GK5: variants seen among roughly 807,000 people sequenced by gnomAD.
GK5 encodes glycerol kinase 5.
A neutral mutation model predicts 77.3 loss-of-function variants in GK5; 39 were observed. That is an observed-to-expected ratio of 0.50 (90% CI 0.39 to 0.66). The LOEUF (loss-of-function observed/expected upper bound fraction) is 0.66, where lower values mean the gene tolerates loss of function less well. Among genes scored for constraint, GK5 ranks in the 30% least tolerant of loss-of-function variants. GK5 has a pLI of 0.00. For missense variants in GK5, 487 were observed against 633.8 expected (o/e 0.77, Z 2.49); for synonymous variants, 211 against 208.0 (o/e 1.01, Z -0.13).
chr3:142,199,375 C>T (rs1036600181), intron 4 of GK5, among the ~76,000 whole-genome samples: 1 of 152,076 alleles, frequency 6.6e-6, no homozygotes, highest in Admixed American at 6.6e-5. Context: ...TAATTCACTA[C>T]TATTCCAATA....
intron 12 of GK5, among the ~76,000 whole-genome samples, chr3:142,174,844 C>T (rs1248549717): frequency 6.6e-6 from 1 of 152,070 alleles, no homozygotes; most frequent in Non-Finnish European, 1.5e-5. Context: ...AACCAGGAAA[C>T]CCGAAGAAAA....
intron 5 of GK5, among the ~76,000 whole-genome samples, chr3:142,193,133 C>G (rs1344362907): frequency 6.6e-6 from 1 of 152,054 alleles, no homozygotes; most frequent in Non-Finnish European, 1.5e-5. Flanking sequence ...TTAATTGTAA[C>G]AGATGTACCA....
intron 4 of GK5, 171 bp downstream of exon 4, chr3:142,204,524 G>A (rs763985841): frequency 1.5e-6 from 1 of 673,886 alleles, no homozygotes; most frequent in South Asian, 1.5e-5. Flanking sequence ...AAGTACTGAA[G>A]TCTACCACAT....
Position 142,159,853 on chromosome 3 carries a change from C to CTTTTTTTTTGTTTTTTTTTTTTTTTTTTT in GK5, c.*5768_*5769insAAAAAAAAAAAAAAAAAAACAAAAAAAAA, listed in dbSNP as rs2063412602. On this transcript the variant is annotated 3_prime_UTR_variant, in exon 16 of 16. Coordinates refer to ENST00000392993, the MANE Select transcript of GK5 (RefSeq NM_001039547.3). ...TTTCTCTCTCTCTCTCTCTCTCTCTCTTTTTTTTTTTTGAGACAGAGTCTC... is the reference window on the plus strand; with the variant it reads ...TTTCTCTCTCTCTCTCTCTCTCTCTCTTTTTTTTTGTTTTTTTTTTTTTTTTTTTTTTTTTTTTTTTGAGACAGAGTCTC... 9.4e-6 allele frequency: 1 copy of CTTTTTTTTTGTTTTTTTTTTTTTTTTTTT among 106,124 alleles called. No homozygotes were observed. Among genetic ancestry groups the CTTTTTTTTTGTTTTTTTTTTTTTTTTTTT allele is most frequent in the Non-Finnish European group, 1.9e-5 (1 of 53,072 alleles). The allele number at this position is 106,124 out of a possible 1,614,324, so 6.6% of individuals were successfully genotyped here.
chr3:142,215,158 A>G (rs1468643097), intron 2 of GK5, among the ~76,000 whole-genome samples: 2 of 152,254 alleles, frequency 1.3e-5, no homozygotes, highest in African/African-American at 2.4e-5. Context: ...GACTTAGACC[A>G]TAGCTTTGGC....
At chr3:142,204,032 G>T (rs755246494) in intron 4 of GK5, among the ~76,000 whole-genome samples, 8 of 152,006 alleles carry the variant, frequency 5.3e-5, no homozygotes, top group Admixed American at 1.3e-4. Context: ...GGTATTGTTG[G>T]CTTTGAGACA....
chr3:142,171,369 CACTT>C (rs1355966154), intron 14 of GK5, 46 bp downstream of exon 14: 2 of 1,402,024 alleles, frequency 1.4e-6, no homozygotes, highest in Non-Finnish European at 1.9e-6. Flanking sequence ...TAGCAGCTAC[CACTT>C]ACTTCTAATT....
At chr3:142,222,538 T>C (rs2064366213) in intron 1 of GK5, among the ~76,000 whole-genome samples, 2 of 151,578 alleles carry the variant, frequency 1.3e-5, no homozygotes, top group East Asian at 1.9e-4. Flanking sequence ...CACTCCAGCC[T>C]GGGCGACAGA....
At chr3:142,172,543 C>A (rs73236075) in intron 12 of GK5, 87 bp from the exon 13 acceptor site, 54,521 of 575,412 alleles carry the variant, frequency 0.095, 3,100 homozygotes, top group Non-Finnish European at 0.12. Context: ...AACAACATAG[C>A]CACGTTAGAA....
At chr3:142,200,683 AGATAACTCAGGATG>A (rs1244752410) in intron 4 of GK5, among the ~76,000 whole-genome samples, 2 of 152,360 alleles carry the variant, frequency 1.3e-5, no homozygotes, top group Admixed American at 6.5e-5. Flanking sequence ...GTTAAAATGT[AGATAACTCAGGATG>A]GGTGGTGAGG....
intron 2 of GK5, among the ~76,000 whole-genome samples, chr3:142,214,395 T>C (rs756390846): frequency 9.2e-5 from 14 of 152,224 alleles, no homozygotes; most frequent in Non-Finnish European, 1.5e-4. Context: ...TTGGTCCAAA[T>C]TTCTTAAAAT....
chr3:142,224,905 T>A (rs902766274), intron 1 of GK5, among the ~76,000 whole-genome samples: 1 of 152,226 alleles, frequency 6.6e-6, no homozygotes, highest in Non-Finnish European at 1.5e-5. Context: ...GGGAGATCTA[T>A]CAGGGAAGTG....
chr3:142,204,871 A>T (rs1187143514), intron 3 of GK5, 83 bp from the exon 4 acceptor site: 11 of 732,532 alleles, frequency 1.5e-5, no homozygotes, highest in Non-Finnish European at 2.6e-5. Flanking sequence ...AAACAAAATT[A>T]GAGGCCATAC....
At chr3:142,173,155 C>G (rs914524308) in intron 12 of GK5, 1 of 429,192 alleles carries the variant, frequency 2.3e-6, no homozygotes, top group Non-Finnish European at 4.6e-6. Context: ...GAGCCGTGAT[C>G]GCGTTACTGC....
intron 1 of GK5, among the ~76,000 whole-genome samples, chr3:142,219,131 G>C (rs2064311001): frequency 6.6e-6 from 1 of 152,162 alleles, no homozygotes; most frequent in African/African-American, 2.4e-5. Flanking sequence ...AAATGGTATG[G>C]CCACTCTGAA....
chr3:142,173,675 C>T (rs908194946), intron 12 of GK5, among the ~76,000 whole-genome samples: 30 of 148,876 alleles, frequency 2.0e-4, no homozygotes, highest in African/African-American at 6.3e-4. Context: ...CAGAGCAAGA[C>T]TCCGTCTCAA....
chr3:142,172,903 A>C (rs150794777), intron 12 of GK5, among the ~76,000 whole-genome samples: 2 of 152,316 alleles, frequency 1.3e-5, no homozygotes, highest in African/African-American at 4.8e-5. Flanking sequence ...ATGTTGTCAG[A>C]CATTAAAACT....
chr3:142,199,028 A>G (rs2063978302), intron 4 of GK5, 95 bp from the exon 5 acceptor site: 1 of 863,570 alleles, frequency 1.2e-6, no homozygotes, highest in Non-Finnish European at 1.7e-6. Context: ...CCCAATAACA[A>G]GTCATTTAAC....
chr3:142,165,708 G>C lies in GK5; in HGVS notation c.1504C>G (p.Gln502Glu). ...LRQSEVVFKP[Q>E]KKCQEYEMSL... ...ATTTCATATTCTTGACATTTCTTCT[G>C]TGGCTTGAAAACCACTTCACTTTGT... The change falls in exon 16 of 16, where the codon CAG becomes GAG. Residue 502 changes from glutamine to glutamate, a missense_variant. By Grantham distance (29) the Gln-to-Glu change is conservative (BLOSUM62 2). Around this residue, in one of 4 missense-constraint regions of GK5, gnomAD observed 65 missense variants for 89.9 expected, o/e 0.72. Coordinates refer to ENST00000392993, the MANE Select transcript of GK5 (RefSeq NM_001039547.3). 2.5e-6 allele frequency: 4 copies of C among 1,612,870 alleles called. No homozygotes were observed. The highest frequency in any genetic ancestry group is 3.4e-6 in the Non-Finnish European group (4 of 1,179,272).
Sources: allele counts gnomAD v4.1 joint callset (sites outside exome capture counted in the v4.1 genomes callset), GRCh38; gene constraint gnomAD v4.1.1; regional missense constraint gnomAD v4.1.1; transcripts MANE v1.5; gene names NCBI Gene and HGNC (gene_info 2026-07-23, HGNC 2026-07-21).